The following PPFIBP1 variants were observed in gnomAD, a reference collection of about 807,000 sequenced individuals.
PPFIBP1 encodes the protein PPFIB scaffold protein 1.
PPFIBP1 carries 112 observed loss-of-function variants against 137.8 expected under a neutral mutation model. The observed-to-expected ratio is 0.81, with a 90% CI of 0.70 to 0.95. The LOEUF (loss-of-function observed/expected upper bound fraction) is 0.95, where lower values mean the gene tolerates loss of function less well. Ranked by LOEUF, PPFIBP1 falls within the 40% of genes least tolerant of loss-of-function variation. The pLI is 0.00. For synonymous variants in PPFIBP1, 378 were observed against 417.3 expected (o/e 0.91, Z 1.15); for missense variants, 1,083 against 1,196.6 (o/e 0.91, Z 1.40).
chr12:27,670,454 C>T (rs2060108146), intron 13 of PPFIBP1, among the ~76,000 whole-genome samples: 1 of 152,072 alleles, frequency 6.6e-6, no homozygotes, highest in African/African-American at 2.4e-5. Context: ...ACCAATGTTC[C>T]ATATAAGATT....
At chr12:27,648,779 T>C (rs7970429) in intron 6 of PPFIBP1, among the ~76,000 whole-genome samples, 31,703 of 152,140 alleles carry the variant, frequency 0.21, 3,410 homozygotes, top group Non-Finnish European at 0.24. Context: ...CTTACTTATT[T>C]GTGGGATCTA....
chr12:27,662,491 A>C (rs937379729), intron 11 of PPFIBP1, among the ~76,000 whole-genome samples: 2 of 152,228 alleles, frequency 1.3e-5, no homozygotes, highest in Non-Finnish European at 2.9e-5. Context: ...TAGGTGAGAA[A>C]TGAAGAGGGC....
Position 27,689,223 on chromosome 12 carries a change from G to A in PPFIBP1, c.2685+20G>A, listed in dbSNP as rs2061373677. On this transcript the variant is annotated intron_variant, in intron 27 of 29. Transcript: ENST00000228425. ...GTGAAGGTTGGTTCAGGCTCATACG[G>A]TTTAATAATTGCTTGGCGCAAAGGC... 4 of 1,512,352 alleles carry A rather than the reference G, an allele frequency of 2.6e-6. No homozygotes were observed. The highest frequency in any genetic ancestry group is 1.4e-5 in the African/African-American group (1 of 70,292). 93.7% of individuals were successfully genotyped at this position (1,512,352 alleles called of 1,614,324 possible).
rs773833677 is a variant in PPFIBP1 at position 27,677,066 on chromosome 12, C to A, written c.1585C>A (p.Arg529Ser). 6.2e-7 allele frequency: 1 copy of A among 1,614,038 alleles called. No individual in the cohort carries two copies. The highest frequency in any genetic ancestry group is 1.3e-5 in the African/African-American group (1 of 74,932). ...GTGCGTTGTTGGGATATCTGAAGAT[C>A]GTAAACGAAGTGCCAGTGCACCCAC... ...KRTASAPNLD[R>S]KRSASAPTLA... The change falls in exon 19 of 30, where the codon CGT becomes AGT. Residue 529 changes from arginine (R) to serine (S), a missense_variant and splice_region_variant. Physicochemically the swap from Arg to Ser is moderately radical, Grantham distance 110. Coordinates refer to ENST00000228425, the MANE Select transcript of PPFIBP1 (RefSeq NM_003622.4).
intron 2 of PPFIBP1, among the ~76,000 whole-genome samples, chr12:27,630,230 A>G (rs188174156): frequency 2.6e-4 from 39 of 151,984 alleles, no homozygotes. Context: ...GGTCAACCAT[A>G]TCTATATTAT....
chr12:27,623,646 T>TTC (rs1378019371), intron 2 of PPFIBP1, among the ~76,000 whole-genome samples: 3 of 152,100 alleles, frequency 2.0e-5, no homozygotes, highest in Admixed American at 2.0e-4. Flanking sequence ...AGGTCAAGGC[T>TTC]GCAGTGAGCC....
intron 2 of PPFIBP1, among the ~76,000 whole-genome samples, chr12:27,582,231 T>C (rs1224209323): frequency 6.6e-6 from 1 of 152,212 alleles, no homozygotes; most frequent in Non-Finnish European, 1.5e-5. Context: ...TGTGTGTGCA[T>C]ACATGCTGTC....
At chr12:27,623,033 T>C (rs1409412777) in intron 2 of PPFIBP1, among the ~76,000 whole-genome samples, 5 of 152,242 alleles carry the variant, frequency 3.3e-5, no homozygotes, top group Non-Finnish European at 7.3e-5. Context: ...CTCACTCCTG[T>C]CTTCCTATGG....
chr12:27,615,193 A>C (rs1000105650), intron 2 of PPFIBP1, among the ~76,000 whole-genome samples: 2 of 152,198 alleles, frequency 1.3e-5, no homozygotes, highest in African/African-American at 4.8e-5. Flanking sequence ...ATCCAGCTTT[A>C]ACTCCCTTTA....
intron 1 of PPFIBP1, among the ~76,000 whole-genome samples, chr12:27,570,043 A>G (rs2050007207): frequency 1.3e-5 from 2 of 152,160 alleles, no homozygotes; most frequent in African/African-American, 4.8e-5. Flanking sequence ...TTAGAGTTCT[A>G]CAACATCGCC....
intron 1 of PPFIBP1, among the ~76,000 whole-genome samples, chr12:27,554,668 A>C (rs1394021315): frequency 6.6e-6 from 1 of 152,208 alleles, no homozygotes; most frequent in East Asian, 1.9e-4. Flanking sequence ...CTGTGAATGG[A>C]AAGTTCATCT....
intron 2 of PPFIBP1, among the ~76,000 whole-genome samples, chr12:27,599,860 G>T (rs1225071355): frequency 6.6e-6 from 1 of 152,148 alleles, no homozygotes; most frequent in Non-Finnish European, 1.5e-5. Flanking sequence ...AGACTGAGGT[G>T]CTGTCACAGA....
chr12:27,561,709 T>C (rs1565773049), intron 1 of PPFIBP1, among the ~76,000 whole-genome samples: 1 of 152,074 alleles, frequency 6.6e-6, no homozygotes, highest in African/African-American at 2.4e-5. Flanking sequence ...GTTTCTGTAG[T>C]TCTCCGAGCA....
At chr12:27,542,068 G>A (rs1167268994) in intron 1 of PPFIBP1, among the ~76,000 whole-genome samples, 1 of 152,132 alleles carries the variant, frequency 6.6e-6, no homozygotes, top group Non-Finnish European at 1.5e-5. Flanking sequence ...AAATAACAAT[G>A]TGTACCTTGT....
At chr12:27,541,883 A>G (rs908748991) in intron 1 of PPFIBP1, among the ~76,000 whole-genome samples, 1 of 151,870 alleles carries the variant, frequency 6.6e-6, no homozygotes, top group African/African-American at 2.4e-5. Context: ...GAATTCCATC[A>G]TTGTGTTTTC....
chr12:27,528,786 G>A (rs1179499959), intron 1 of PPFIBP1, among the ~76,000 whole-genome samples: 1 of 152,138 alleles, frequency 6.6e-6, no homozygotes, highest in African/African-American at 2.4e-5. Flanking sequence ...TAGGCAGTTT[G>A]GGGGAGGAGG....
At chr12:27,594,147 G>C in intron 2 of PPFIBP1, 22 of 408,158 alleles carry the variant, frequency 5.4e-5, no homozygotes, top group Middle Eastern at 6.3e-4. Context: ...TGGTACTTAA[G>C]CAAAAACATT....
chr12:27,606,432 G>T (rs1474389698), intron 2 of PPFIBP1, among the ~76,000 whole-genome samples: 2 of 152,176 alleles, frequency 1.3e-5, no homozygotes, highest in African/African-American at 4.8e-5. Context: ...CTACGACTGT[G>T]TGTTAGTAGT....
chr12:27,655,521 T>A (rs1452524029), intron 8 of PPFIBP1, among the ~76,000 whole-genome samples: 1 of 152,230 alleles, frequency 6.6e-6, no homozygotes, highest in Non-Finnish European at 1.5e-5. Context: ...TTGTAAACAT[T>A]CGCTTGTGAA....
Sources: gnomAD v4.1 joint callset for allele counts (sites outside exome capture counted in the v4.1 genomes callset) on GRCh38, gnomAD v4.1.1 for gene constraint, MANE v1.5 for transcripts, NCBI Gene and HGNC (gene_info 2026-07-23, HGNC 2026-07-21) for gene names.